FZD3: variants seen among roughly 807,000 people sequenced by gnomAD.
FZD3 encodes frizzled class receptor 3.
Under a neutral mutation model 60.7 loss-of-function variants are expected in FZD3, and 30 were observed. That is an observed-to-expected ratio of 0.49 (90% confidence interval 0.37 to 0.67). FZD3 has a LOEUF of 0.67. FZD3 is among the 30% of genes least tolerant of loss of function. FZD3 has a pLI of 0.00. For synonymous variants in FZD3, 246 were observed against 275.2 expected, an observed-to-expected ratio of 0.89 and a Z score of 1.05; for missense variants, 605 against 838.7, an observed-to-expected ratio of 0.72 and a Z score of 3.44.
intron 5 of FZD3, among the ~76,000 whole-genome samples, chr8:28,529,369 T>C (rs1473182857): frequency 6.6e-6 from 1 of 152,186 alleles, no homozygotes; most frequent in African/African-American, 2.4e-5. Context: ...TTAAATACCT[T>C]TATTGACGTA....
intron 3 of FZD3, among the ~76,000 whole-genome samples, chr8:28,519,599 G>A (rs1180871174): frequency 6.6e-6 from 1 of 151,880 alleles, no homozygotes; most frequent in Non-Finnish European, 1.5e-5. Flanking sequence ...GTGTGGTGGT[G>A]CGTGCCTGTA....
Position 28,563,781 on chromosome 8 carries a change from C to T in FZD3, c.*770C>T, listed in dbSNP as rs1805658609. The T allele has an allele frequency of 6.6e-6, 1 of 152,558 alleles. No individual in the cohort carries two copies. The highest frequency in any genetic ancestry group is 2.1e-4 in the South Asian group (1 of 4,830). The allele number at this position is 152,558 out of a possible 1,614,324, so 9.5% of individuals were successfully genotyped here. A position where few individuals can be genotyped will look rare whatever the true frequency, so the allele number is the denominator to read the frequency against. Reference sequence around the variant, plus strand: ...TGATGGAAAAATTTTAATTTGTAGCCATCTTTTCCCATGTAATAGTATTGA... The same window carrying T: ...TGATGGAAAAATTTTAATTTGTAGCTATCTTTTCCCATGTAATAGTATTGA... On this transcript the variant is annotated 3_prime_UTR_variant, in exon 8 of 8. Transcript: ENST00000240093.
At chr8:28,518,193 G>T (rs574223447) in intron 3 of FZD3, among the ~76,000 whole-genome samples, 15 of 151,342 alleles carry the variant, frequency 9.9e-5, no homozygotes, top group Non-Finnish European at 1.8e-4. Context: ...CAAGTAGCTG[G>T]GACTACAGGC....
In FZD3 at chr8:28,567,666, A is replaced by G. The variant is rs982156135; in HGVS notation, c.*4655A>G. ...AGTATTTCTTTTTAGCAATAACAAC[A>G]AAATAGGCAATTAGACCAGTGTTCA... On this transcript the variant is annotated 3_prime_UTR_variant, in exon 8 of 8. Coordinates refer to ENST00000240093, the MANE Select transcript of FZD3 (RefSeq NM_017412.4). 1 of 152,182 alleles carries G rather than the reference A, an allele frequency of 6.6e-6. No homozygotes were observed. Among genetic ancestry groups the G allele is most frequent in the Non-Finnish European group, 1.5e-5 (1 of 68,026 alleles). 9.4% of individuals were successfully genotyped at this position (152,182 alleles called of 1,614,324 possible).
At chr8:28,507,299 CTTTAT>C (rs1199793320) in intron 3 of FZD3, among the ~76,000 whole-genome samples, 1 of 151,974 alleles carries the variant, frequency 6.6e-6, no homozygotes, top group African/African-American at 2.4e-5. Context: ...TTCCCATAGT[CTTTAT>C]TTTGCTGATT....
At position 28,551,695 on chromosome 8, in the gene FZD3, A is replaced by C; in HGVS notation, c.1497A>C (p.Gly499=). ...GCATTCCCTCTGTATTTTGGGTTGG[A>C]AGCAAAAAGACATGCTTTGAATGGG... ...IVGIPSVFWV[G]SKKTCFEWAS... The change falls in exon 6 of 8, where the codon GGA becomes GGC. Residue 499 remains glycine (G), a synonymous_variant. Transcript: ENST00000240093. The C allele has an allele frequency of 4.3e-6, 7 of 1,612,726 alleles. No homozygotes were observed. Among genetic ancestry groups the C allele is most frequent in the Non-Finnish European group, 5.9e-6 (7 of 1,179,362 alleles).
At chr8:28,530,389 A>G (rs1804837364) in intron 5 of FZD3, 3 of 151,926 alleles carry the variant, frequency 2.0e-5, no homozygotes, top group Non-Finnish European at 4.4e-5. Context: ...ATGCATGTAA[A>G]TACTTAGAAG....
chr8:28,551,539 A>T (rs961994678), intron 5 of FZD3, 64 bp from the exon 6 acceptor site: 1 of 1,210,102 alleles, frequency 8.3e-7, no homozygotes. Flanking sequence ...AAAAGATTTC[A>T]TAATGGCCTT....
chr8:28,541,186 G>A (rs1805157989), intron 5 of FZD3, among the ~76,000 whole-genome samples: 1 of 152,096 alleles, frequency 6.6e-6, no homozygotes, highest in Non-Finnish European at 1.5e-5. Context: ...CTTCTTTATA[G>A]CAGTAGCTTG....
chr8:28,556,979 T>C (rs148849194), intron 7 of FZD3, among the ~76,000 whole-genome samples: 1 of 152,234 alleles, frequency 6.6e-6, no homozygotes, highest in South Asian at 2.1e-4. Context: ...TTTTGAGAGA[T>C]GATAAAGGCT....
At position 28,502,748 on chromosome 8, in the gene FZD3, A is replaced by G. The variant is rs1246809898; in HGVS notation, c.-266A>G. On this transcript the variant is annotated 5_prime_UTR_variant, in exon 3 of 8. In the 5' UTR this introduces an upstream ATG that the reference lacks. Coordinates refer to ENST00000240093, the MANE Select transcript of FZD3 (RefSeq NM_017412.4). Reference sequence around the variant, plus strand: ...TGGGAATGTGGTTGATCAACTTGATATGTTGGCCAAATGTGCCCCATGTAA... The same window carrying G: ...TGGGAATGTGGTTGATCAACTTGATGTGTTGGCCAAATGTGCCCCATGTAA... 4.0e-6 allele frequency: 1 copy of G among 247,696 alleles called. No individual in the cohort carries two copies. Among genetic ancestry groups the G allele is most frequent in the Non-Finnish European group, 7.7e-6 (1 of 130,568 alleles). 15.3% of individuals were successfully genotyped at this position (247,696 alleles called of 1,614,324 possible).
intron 6 of FZD3, among the ~76,000 whole-genome samples, chr8:28,553,446 A>G (rs560472498): frequency 1.3e-5 from 2 of 152,354 alleles, no homozygotes; most frequent in East Asian, 1.9e-4. Flanking sequence ...GTAAAACACA[A>G]TGCTGAGGAA....
intron 3 of FZD3, among the ~76,000 whole-genome samples, chr8:28,512,931 T>C (rs1232678040): frequency 2.0e-5 from 3 of 152,168 alleles, no homozygotes; most frequent in Admixed American, 6.5e-5. Flanking sequence ...CTTCTTTTAC[T>C]ACATTTATAG....
At position 28,505,483 on chromosome 8, in the gene FZD3, T is replaced by C. The variant is rs576052703; in HGVS notation, c.189+2281T>C. On this transcript the variant is annotated intron_variant, in intron 3 of 7. Coordinates refer to ENST00000240093, the MANE Select transcript of FZD3 (RefSeq NM_017412.4). ...CCTCTGCCTCAGCCTCCCAAGTAGC[T>C]GGGACTACAGGTGTGTGCCGCCACC... 2.2e-4 allele frequency among the ~76,000 whole-genome samples: 33 copies of C among 152,280 alleles called. 2 individuals carry two copies. The South Asian group carries it at 6.8e-3, about 32-fold the overall frequency.
chr8:28,573,034 A>G lies in FZD3; in HGVS notation c.*10023A>G, dbSNP rs1415026692. The G allele has an allele frequency of 6.6e-6, 1 of 152,118 alleles. No homozygotes were observed. The highest frequency in any genetic ancestry group is 2.4e-5 in the African/African-American group (1 of 41,418). 9.4% of individuals were successfully genotyped at this position (152,118 alleles called of 1,614,324 possible). A position where few individuals can be genotyped will look rare whatever the true frequency, so the allele number is the denominator to read the frequency against. Reference sequence around the variant, plus strand: ...GTGTCTTGGTTTTGGATAAATTTTTATAGTGGAGAAAGGTTACTTTGATCT... The same window carrying G: ...GTGTCTTGGTTTTGGATAAATTTTTGTAGTGGAGAAAGGTTACTTTGATCT... On this transcript the variant is annotated 3_prime_UTR_variant, in exon 8 of 8. Transcript: ENST00000240093.
chr8:28,527,036 C>G lies in FZD3; in HGVS notation c.387-111C>G, dbSNP rs1804731161. 1 of 854,730 alleles carries G rather than the reference C, an allele frequency of 1.2e-6. No individual in the cohort carries two copies. The highest frequency in any genetic ancestry group is 2.4e-5 in the Admixed American group (1 of 42,538). The allele number at this position is 854,730 out of a possible 1,614,324, so 52.9% of individuals were successfully genotyped here. On this transcript the variant is annotated intron_variant, in intron 4 of 7. Coordinates refer to ENST00000240093, the MANE Select transcript of FZD3 (RefSeq NM_017412.4). This position sits in a 1 kb window ranked among gnomAD's most constrained non-coding sequence, Gnocchi z 5.0. ...ACTTTATTTCTACATATTACATTTGCTCTCCAGGAATAAATAAGGTTGTGA... is the reference window on the plus strand; with the variant it reads ...ACTTTATTTCTACATATTACATTTGGTCTCCAGGAATAAATAAGGTTGTGA...
intron 4 of FZD3, among the ~76,000 whole-genome samples, chr8:28,521,619 A>T (rs868099854): frequency 4.6e-5 from 7 of 152,240 alleles, no homozygotes; most frequent in Middle Eastern, 6.8e-3. Context: ...CCCCCCAAGG[A>T]GTGAGATAAT....
chr8:28,557,926 G>T (rs1334637701), intron 7 of FZD3, among the ~76,000 whole-genome samples: 1 of 152,194 alleles, frequency 6.6e-6, no homozygotes, highest in Non-Finnish European at 1.5e-5. Flanking sequence ...TCTCAGAGAA[G>T]AAAACCATTT....
intron 4 of FZD3, among the ~76,000 whole-genome samples, chr8:28,523,598 TA>T (rs767039843): frequency 0.014 from 1,922 of 139,500 alleles, 15 homozygotes; most frequent in African/African-American, 0.03. Flanking sequence ...TCCAGCTAAT[TA>T]AAAAAAAAAA....
Sources: allele counts gnomAD v4.1 joint callset (sites outside exome capture counted in the v4.1 genomes callset), GRCh38; gene constraint gnomAD v4.1.1; non-coding constraint Gnocchi (gnomAD v3.1); transcripts MANE v1.5; gene names NCBI Gene and HGNC (gene_info 2026-07-23, HGNC 2026-07-21).